Variants in KLF12 observed in about 807,000 individuals in gnomAD.
KLF12 encodes the protein KLF transcription factor 12.
A neutral mutation model predicts 37.8 loss-of-function variants in KLF12; 9 were observed. That is an observed-to-expected ratio of 0.24 (90% confidence interval 0.14 to 0.42). KLF12 has a LOEUF of 0.42. Ranked by LOEUF, KLF12 falls within the 10% of genes least tolerant of loss-of-function variation. The pLI is 1.00. For synonymous variants in KLF12, 208 were observed against 202.1 expected, an observed-to-expected ratio of 1.03 and a Z score of -0.25; for missense variants, 411 against 516.0, an observed-to-expected ratio of 0.80 and a Z score of 1.97.
chr13:73,761,515 G>A (rs1436194637), intron 6 of KLF12, among the ~76,000 whole-genome samples: 60 of 152,070 alleles, frequency 3.9e-4, no homozygotes, highest in South Asian at 2.1e-4. Flanking sequence ...AGTTTCTCCC[G>A]CTTATTTACC....
chr13:73,774,556 T>C (rs1449451548), intron 5 of KLF12, among the ~76,000 whole-genome samples: 3 of 152,096 alleles, frequency 2.0e-5, no homozygotes, highest in Non-Finnish European at 4.4e-5. Context: ...ATGAGGTCAG[T>C]AGTTTTGTTA....
the KLF12 span, among the ~76,000 whole-genome samples, chr13:74,215,093 T>C: frequency 6.6e-6 from 1 of 152,104 alleles, no homozygotes; most frequent in East Asian, 1.9e-4. Context: ...GCTCCTGGCC[T>C]TACACTAATT....
chr13:74,240,011 G>A, the KLF12 span, among the ~76,000 whole-genome samples: 491 of 150,970 alleles, frequency 3.3e-3, 2 homozygotes, highest in African/African-American at 0.01. Flanking sequence ...TATTTTGCTC[G>A]TTAGTTGATG....
At chr13:73,882,271 T>C (rs6562789) in intron 3 of KLF12, among the ~76,000 whole-genome samples, 67,212 of 152,022 alleles carry the variant, frequency 0.44, 15,203 homozygotes, top group Middle Eastern at 0.5. Flanking sequence ...AAGAAGATAC[T>C]CTTTTTGGAA....
At chr13:74,258,017 A>G in the KLF12 span, 7 of 152,048 alleles carry the variant, frequency 4.6e-5, no homozygotes, top group Non-Finnish European at 1.0e-4. Context: ...AACTTCTATT[A>G]TCTTTCAATC....
At chr13:74,247,079 GTAA>G in the KLF12 span, among the ~76,000 whole-genome samples, 1 of 152,274 alleles carries the variant, frequency 6.6e-6, no homozygotes, top group East Asian at 1.9e-4. Context: ...TTTTGAAGCA[GTAA>G]GCTTCTTTTT....
chr13:74,064,529 G>A (rs1873795985), intron 1 of KLF12, among the ~76,000 whole-genome samples: 1 of 152,180 alleles, frequency 6.6e-6, no homozygotes, highest in African/African-American at 2.4e-5. Context: ...AGAAGCATTG[G>A]AGTCCAGAAT....
intron 6 of KLF12, among the ~76,000 whole-genome samples, chr13:73,724,390 G>C (rs55947201): frequency 0.011 from 1,655 of 152,268 alleles, 32 homozygotes; most frequent in African/African-American, 0.038. Context: ...GCCTGATGTA[G>C]TACTTAAGTT....
intron 3 of KLF12, among the ~76,000 whole-genome samples, chr13:73,857,425 AG>A (rs1423957117): frequency 6.6e-6 from 1 of 152,258 alleles, no homozygotes; most frequent in Non-Finnish European, 1.5e-5. Flanking sequence ...TTGAGAGTCT[AG>A]GGAAACTTCA....
intron 3 of KLF12, among the ~76,000 whole-genome samples, chr13:73,885,983 G>A (rs1343154779): frequency 6.6e-6 from 1 of 152,200 alleles, no homozygotes; most frequent in Non-Finnish European, 1.5e-5. Context: ...AGGAAGGTTG[G>A]TGTTACTTAT....
chr13:74,137,364 T>G (rs1300157212), upstream of KLF12, among the ~76,000 whole-genome samples: 1 of 152,224 alleles, frequency 6.6e-6, no homozygotes, highest in African/African-American at 2.4e-5. Flanking sequence ...CAATCCTGTT[T>G]AAAACCAAGA....
intron 3 of KLF12, among the ~76,000 whole-genome samples, chr13:73,881,623 T>A (rs1020380519): frequency 5.3e-5 from 8 of 152,226 alleles, no homozygotes; most frequent in Admixed American, 6.5e-5. Context: ...TCATTTTGCA[T>A]CTCCTCTGTA....
intron 4 of KLF12, among the ~76,000 whole-genome samples, chr13:73,814,224 C>T (rs1412378679): frequency 6.6e-6 from 1 of 152,148 alleles, no homozygotes; most frequent in African/African-American, 2.4e-5. Flanking sequence ...AATTGTATGG[C>T]TGCCTAAGAT....
chr13:73,858,329 C>A (rs1294877375), intron 3 of KLF12, among the ~76,000 whole-genome samples: 3 of 152,128 alleles, frequency 2.0e-5, no homozygotes, highest in Non-Finnish European at 4.4e-5. Context: ...AGACTGGTGG[C>A]ATGATTTTTC....
the KLF12 span, among the ~76,000 whole-genome samples, chr13:74,185,513 A>G: frequency 6.6e-6 from 1 of 152,194 alleles, no homozygotes; most frequent in East Asian, 1.9e-4. Context: ...GGCTTAGTGT[A>G]GTTTAGGGCC....
chr13:73,900,076 T>C (rs1887971050), intron 3 of KLF12, among the ~76,000 whole-genome samples: 1 of 152,152 alleles, frequency 6.6e-6, no homozygotes, highest in African/African-American at 2.4e-5. Context: ...ACTTGAGATG[T>C]CAATAAAGAA....
chr13:73,942,556 A>G (rs1484899522), intron 3 of KLF12, among the ~76,000 whole-genome samples: 1 of 152,250 alleles, frequency 6.6e-6, no homozygotes, highest in African/African-American at 2.4e-5. Flanking sequence ...GAAGGTATAT[A>G]CAATTTAACT....
At chr13:73,948,983 A>G (rs1890546949) in intron 2 of KLF12, among the ~76,000 whole-genome samples, 1 of 152,230 alleles carries the variant, frequency 6.6e-6, no homozygotes. Flanking sequence ...TGTGAGCCAG[A>G]TCATGTGCCA....
At chr13:74,067,771 C>T (rs1248158426) in intron 1 of KLF12, among the ~76,000 whole-genome samples, 1 of 152,132 alleles carries the variant, frequency 6.6e-6, no homozygotes, top group Non-Finnish European at 1.5e-5. Flanking sequence ...TATAAGCATG[C>T]ACACTTCCAG....
Sources: allele counts gnomAD v4.1 joint callset (sites outside exome capture counted in the v4.1 genomes callset), GRCh38; gene constraint gnomAD v4.1.1; transcripts MANE v1.5; gene names NCBI Gene and HGNC (gene_info 2026-07-23, HGNC 2026-07-21).